Variants in ADGRB1 observed in about 807,000 individuals in gnomAD.
ADGRB1 encodes the protein adhesion G protein-coupled receptor B1.
ADGRB1 carries 36 observed loss-of-function variants against 175.7 expected under a neutral mutation model. The ratio of observed to expected loss-of-function variants is 0.20; its 90% confidence interval spans 0.16 to 0.27. The LOEUF (loss-of-function observed/expected upper bound fraction) is 0.27. Ranked by LOEUF, ADGRB1 falls within the 10% of genes least tolerant of loss-of-function variation. The pLI is 1.00. For missense variants in ADGRB1, 1,731 were observed against 2,255.3 expected (o/e 0.77, Z 4.71); for synonymous variants, 1,054 against 979.4 (o/e 1.08, Z -1.42).
intron 11 of ADGRB1, among the ~76,000 whole-genome samples, chr8:142,483,126 TTGGTCACATGCTGAACCCTGATCC>T (rs2131838267): frequency 8.5e-6 from 1 of 118,184 alleles, no homozygotes; most frequent in Non-Finnish European, 1.8e-5. Context: ...AACCCTGACC[TTGGTCACATGCTGAACCCTGATCC>T]TGGTCACACG....
intron 6 of ADGRB1, 119 bp from the exon 7 acceptor site, chr8:142,478,068 C>G (rs978727418): frequency 6.6e-6 from 9 of 1,371,340 alleles, no homozygotes; most frequent in African/African-American, 1.4e-5. Context: ...AGGGTGTTCT[C>G]ATCTATGTCC....
rs895012116 is a variant in ADGRB1 at position 142,455,387 on chromosome 8, C to A, written c.-220+5283C>A. On this transcript the variant is annotated intron_variant, in intron 1 of 30. Transcript: ENST00000517894. This position sits in a 1 kb window ranked among gnomAD's most constrained non-coding sequence, Gnocchi z 4.9. ...CCTCCTGCTTGTGGCGTTCTGTTCT[C>A]TCGGGCATCCCTCTCTGGGGCTTGG... Among the ~76,000 whole-genome samples, 2 of 152,082 alleles carry A rather than the reference C, an allele frequency of 1.3e-5. No homozygotes were observed. The highest frequency in any genetic ancestry group is 2.9e-5 in the Non-Finnish European group (2 of 68,032).
In ADGRB1 at chr8:142,524,273, C is replaced by G; in HGVS notation, c.3281C>G (p.Ala1094Gly). ...WLSLEGGLLY[A>G]FVGPAAAVVL... is the part of the protein sequence containing the mutation. The stretch of plus-strand genomic sequence containing the variant: ...TCCCTGGAGGGGGGACTGCTCTATG[C>G]CTTCGTGGGACCTGCCGCTGCCGTT... Residue 1094 changes from alanine (A) to glycine (G), a missense_variant, in exon 23 of 31, where the codon GCC becomes GGC. Physicochemically the swap from Ala to Gly is moderately conservative, Grantham distance 60. This residue lies in a region of ADGRB1 where 301 missense variants were observed against 488.4 expected (regional missense o/e 0.62). Coordinates refer to ENST00000517894, the MANE Select transcript of ADGRB1 (RefSeq NM_001702.3). 1 of 1,600,272 alleles carries G rather than the reference C, an allele frequency of 6.2e-7. No homozygotes were observed. The highest frequency in any genetic ancestry group is 8.5e-7 in the Non-Finnish European group (1 of 1,178,928).
At position 142,469,642 on chromosome 8, in the gene ADGRB1, C is replaced by T. The variant is rs543548904; in HGVS notation, c.784+4660C>T. Among the ~76,000 whole-genome samples the T allele has an allele frequency of 2.5e-5, 3 of 119,584 alleles. No individual in the cohort carries two copies. In the East Asian group the frequency reaches 8.1e-4, roughly 32 times the overall value. 78.5% of individuals were successfully genotyped at this position (119,584 alleles called of 152,430 possible). A position where few individuals can be genotyped will look rare whatever the true frequency, so the allele number is the denominator to read the frequency against. ...ATGCACGTGCATGTGTGTATGTGCACGTGCGTGTGAACGCAAGTGCGTGTG... is the reference window on the plus strand; with the variant it reads ...ATGCACGTGCATGTGTGTATGTGCATGTGCGTGTGAACGCAAGTGCGTGTG... On this transcript the variant is annotated intron_variant, in intron 2 of 30. Transcript: ENST00000517894.
rs1842999605 is a variant in ADGRB1, at chr8:142,510,058, GGAGGAGGAGGAA to G, written c.2676-866_2676-855del. On this transcript the variant is annotated intron_variant, in intron 17 of 30. Coordinates refer to ENST00000517894, the MANE Select transcript of ADGRB1 (RefSeq NM_001702.3). This position sits in a 1 kb window ranked among gnomAD's most constrained non-coding sequence, Gnocchi z 6.3. The stretch of plus-strand genomic sequence containing the variant: ...GGTGGGGGAATTCGGCTCCAAAGCA[GGAGGAGGAGGAA>G]GAGGAGGCGGAGGAGGAAGAGGAGG... 6.6e-6 allele frequency among the ~76,000 whole-genome samples: 1 copy of G among 152,106 alleles called. No individual in the cohort carries two copies. The highest frequency in any genetic ancestry group is 6.5e-5 in the Admixed American group (1 of 15,288).
chr8:142,450,493 A>C (rs1839279955), intron 1 of ADGRB1, among the ~76,000 whole-genome samples: 1 of 151,990 alleles, frequency 6.6e-6, no homozygotes, highest in Admixed American at 6.5e-5. Context: ...CCCAGCACAC[A>C]CAGACGCTGG....
At chr8:142,529,827 GGTGT>G (rs1289992084) in intron 24 of ADGRB1, among the ~76,000 whole-genome samples, 11 of 148,622 alleles carry the variant, frequency 7.4e-5, no homozygotes, top group African/African-American at 2.0e-4. Flanking sequence ...AGTGCAACCC[GGTGT>G]GTGTATGTGT....
At chr8:142,518,499 A>G (rs976185023) in intron 19 of ADGRB1, among the ~76,000 whole-genome samples, 3 of 152,154 alleles carry the variant, frequency 2.0e-5, no homozygotes, top group Non-Finnish European at 4.4e-5. Context: ...CCTCCCCTGA[A>G]CGTGCCCCCT....
In ADGRB1 at chr8:142,497,591, G is replaced by C. The variant is rs1477039568; in HGVS notation, c.2675+6776G>C. On this transcript the variant is annotated intron_variant, in intron 17 of 30. Coordinates refer to ENST00000517894, the MANE Select transcript of ADGRB1 (RefSeq NM_001702.3). ...ATCTGCACCATGATTGAGGAGGGAGGAGGAGGATGAGCCTCTCCCAGCTTG... is the reference window on the plus strand; with the variant it reads ...ATCTGCACCATGATTGAGGAGGGAGCAGGAGGATGAGCCTCTCCCAGCTTG... 6.8e-4 allele frequency among the ~76,000 whole-genome samples: 103 copies of C among 152,302 alleles called. 1 individual carries two copies. Among genetic ancestry groups the C allele is most frequent in the Non-Finnish European group, 2.9e-4 (20 of 68,002 alleles).
Position 142,498,058 on chromosome 8 carries a change from C to T in ADGRB1, c.2675+7243C>T, listed in dbSNP as rs116477079. Among the ~76,000 whole-genome samples, 853 of 152,292 alleles carry T rather than the reference C, an allele frequency of 5.6e-3. 7 individuals are homozygous for T. Among genetic ancestry groups the T allele is most frequent in the African/African-American group, 0.02 (821 of 41,572 alleles). On this transcript the variant is annotated intron_variant, in intron 17 of 30. Coordinates refer to ENST00000517894, the MANE Select transcript of ADGRB1 (RefSeq NM_001702.3). ...TGCCCTTACCCAGGCCCTCTTACTC[C>T]CCCACAGGGCCTGCTTGGGAACTCT...
At chr8:142,479,624 G>A in intron 8 of ADGRB1, 69 bp from the exon 9 acceptor site, 1 of 1,516,054 alleles carries the variant, frequency 6.6e-7, no homozygotes, top group South Asian at 1.2e-5. Flanking sequence ...CAGGCGCCTT[G>A]CACCTTCCAG....
chr8:142,502,589 C>CTGATGGTGG (rs201246735), intron 17 of ADGRB1, among the ~76,000 whole-genome samples: 1 of 143,772 alleles, frequency 7.0e-6, no homozygotes, highest in African/African-American at 2.7e-5. Flanking sequence ...TCAGTCATCA[C>CTGATGGTGG]TGTGGTTTTG....
chr8:142,521,881 C>G, intron 20 of ADGRB1, 84 bp from the exon 21 acceptor site: 1 of 1,484,584 alleles, frequency 6.7e-7, no homozygotes, highest in Non-Finnish European at 9.0e-7. Context: ...TGCTGGGCTG[C>G]CAGCTGCAGA....
At chr8:142,491,517 A>G (rs1350092311) in intron 17 of ADGRB1, among the ~76,000 whole-genome samples, 1 of 152,222 alleles carries the variant, frequency 6.6e-6, no homozygotes, top group Non-Finnish European at 1.5e-5. Flanking sequence ...GTAAAGGCCC[A>G]AAGTGCCAGC....
intron 24 of ADGRB1, among the ~76,000 whole-genome samples, chr8:142,528,328 C>T (rs984168040): frequency 1.3e-5 from 2 of 152,208 alleles, no homozygotes; most frequent in Non-Finnish European, 2.9e-5. Flanking sequence ...CTACCTTCCC[C>T]CCATGCCTGC....
At position 142,488,396 on chromosome 8, in the gene ADGRB1, G is replaced by A. The variant is rs779521682; in HGVS notation, c.2341G>A (p.Ala781Thr). 1 of 1,613,298 alleles carries A rather than the reference G, an allele frequency of 6.2e-7. No homozygotes were observed. The highest frequency in any genetic ancestry group is 1.1e-5 in the South Asian group (1 of 91,080). Reference protein sequence around the residue: ...LSIHKLPASGATDISFPMKGW... With the variant: ...LSIHKLPASGTTDISFPMKGW... ...CATCCATAAGCTCCCAGCCAGCGGA[G>A]CCACTGACATCAGCTTCCCCATGAA... Residue 781 changes from alanine to threonine, a missense_variant, in exon 14 of 31, where the codon GCC (alanine) becomes ACC (threonine). By Grantham distance (58) the Ala-to-Thr change is moderately conservative. This residue lies in a region of ADGRB1 where 388 missense variants were observed against 630.9 expected (regional missense o/e 0.61). Coordinates refer to ENST00000517894, the MANE Select transcript of ADGRB1 (RefSeq NM_001702.3).
At position 142,537,098 on chromosome 8, in the gene ADGRB1, C is replaced by G. The variant is rs1055116568; in HGVS notation, c.3666+16C>G. ...CCAGCTCATGGTAGGACTCAGGGCC[C>G]GGGGACTCAGGCTGCCCTACCTGCC... On this transcript the variant is annotated intron_variant, in intron 26 of 30. Coordinates refer to ENST00000517894, the MANE Select transcript of ADGRB1 (RefSeq NM_001702.3). The surrounding 1 kb of genome is among the most constrained non-coding windows in gnomAD (Gnocchi z 4.6). 5.4e-6 allele frequency: 8 copies of G among 1,474,226 alleles called. No individual in the cohort carries two copies. Among genetic ancestry groups the G allele is most frequent in the African/African-American group, 4.3e-5 (3 of 69,872 alleles). 91.3% of individuals were successfully genotyped at this position (1,474,226 alleles called of 1,614,324 possible). A position where few individuals can be genotyped will look rare whatever the true frequency, so the allele number is the denominator to read the frequency against.
chr8:142,502,366 GGTTGCGTGGTTTTGATGATGACA>G, intron 17 of ADGRB1, among the ~76,000 whole-genome samples: 4 of 147,596 alleles, frequency 2.7e-5, no homozygotes, highest in Non-Finnish European at 6.0e-5. Context: ...TGGTAGTAAT[GGTTGCGTGGTTTTGATGATGACA>G]GTGGTGGTGA....
At chr8:142,538,356 C>T (rs1404045270) in intron 26 of ADGRB1, among the ~76,000 whole-genome samples, 4 of 152,206 alleles carry the variant, frequency 2.6e-5, no homozygotes, top group East Asian at 1.9e-4. Context: ...CAGTGAGAGA[C>T]GGCCACTTCG....
Sources: gnomAD v4.1 joint callset for allele counts (sites outside exome capture counted in the v4.1 genomes callset) on GRCh38, gnomAD v4.1.1 for gene constraint, gnomAD v4.1.1 regional missense constraint, Gnocchi (gnomAD v3.1) non-coding constraint, MANE v1.5 for transcripts, NCBI Gene and HGNC (gene_info 2026-07-23, HGNC 2026-07-21) for gene names.